Variants in REDIC1 observed in about 807,000 individuals in gnomAD.
The protein encoded by REDIC1 is HEI10 Interacting Protein 1.
the REDIC1 span, among the ~76,000 whole-genome samples, chr12:39,863,343 C>T: frequency 6.6e-6 from 1 of 152,030 alleles, no homozygotes; most frequent in African/African-American, 2.4e-5. Context: ...TTATGTAAAT[C>T]ACTAAAAACT....
the REDIC1 span, among the ~76,000 whole-genome samples, chr12:39,712,695 ACGTGT>A: frequency 5.4e-3 from 21 of 3,854 alleles, no homozygotes; most frequent in African/African-American, 0.038. Flanking sequence ...ATATACGTAT[ACGTGT>A]ATATATGTAT....
chr12:39,816,940 C>T, the REDIC1 span, among the ~76,000 whole-genome samples: 2 of 152,056 alleles, frequency 1.3e-5, no homozygotes, highest in African/African-American at 4.8e-5. Context: ...ACTGGGTATG[C>T]TTTATCATTT....
chr12:39,627,313 T>C, the REDIC1 span, among the ~76,000 whole-genome samples: 1 of 152,210 alleles, frequency 6.6e-6, no homozygotes, highest in South Asian at 2.1e-4. Context: ...AGACGTACTC[T>C]GGAGAAAAGT....
chr12:39,832,802 A>G, the REDIC1 span, among the ~76,000 whole-genome samples: 5 of 152,032 alleles, frequency 3.3e-5, no homozygotes, highest in African/African-American at 1.2e-4. Context: ...CTATCATTCC[A>G]TTATACCCAT....
the REDIC1 span, among the ~76,000 whole-genome samples, chr12:39,826,230 A>G: frequency 6.6e-6 from 1 of 151,738 alleles, no homozygotes; most frequent in Non-Finnish European, 1.5e-5. Context: ...AAGCTTGTAA[A>G]TTTTCTAAAT....
the REDIC1 span, among the ~76,000 whole-genome samples, chr12:39,638,660 A>G: frequency 6.6e-6 from 1 of 152,028 alleles, no homozygotes; most frequent in Middle Eastern, 3.2e-3. Flanking sequence ...TGGACATATC[A>G]TTCTATTAAT....
At chr12:39,653,603 C>CT in the REDIC1 span, among the ~76,000 whole-genome samples, 541 of 125,932 alleles carry the variant, frequency 4.3e-3, 12 homozygotes, top group African/African-American at 0.013. Flanking sequence ...TCTTCTTCTT[C>CT]TTTTTTTTTT....
the REDIC1 span, among the ~76,000 whole-genome samples, chr12:39,636,098 TTA>T: frequency 3.3e-5 from 5 of 152,168 alleles, no homozygotes; most frequent in Non-Finnish European, 7.4e-5. Context: ...TGAAATATAC[TTA>T]TGTGTTGGAG....
the REDIC1 span, among the ~76,000 whole-genome samples, chr12:39,690,153 CA>C: frequency 1.3e-5 from 2 of 152,084 alleles, no homozygotes; most frequent in African/African-American, 4.8e-5. Context: ...CACCTGCCCA[CA>C]GGTTAGGTAA....
At chr12:39,631,839 T>G in the REDIC1 span, among the ~76,000 whole-genome samples, 2 of 152,112 alleles carry the variant, frequency 1.3e-5, no homozygotes, top group Non-Finnish European at 2.9e-5. Flanking sequence ...TGAAGAGAAT[T>G]TAAATATAAG....
the REDIC1 span, among the ~76,000 whole-genome samples, chr12:39,731,147 T>G: frequency 6.6e-6 from 1 of 152,224 alleles, no homozygotes; most frequent in Non-Finnish European, 1.5e-5. Flanking sequence ...TTCTGAAGCC[T>G]ACTTCTGTCA....
chr12:39,894,456 TACTC>T, the REDIC1 span, among the ~76,000 whole-genome samples: 3 of 152,210 alleles, frequency 2.0e-5, no homozygotes, highest in Admixed American at 1.3e-4. Flanking sequence ...TAAAAGGACT[TACTC>T]AATATAAAGA....
At chr12:39,874,028 T>G in the REDIC1 span, among the ~76,000 whole-genome samples, 2 of 152,228 alleles carry the variant, frequency 1.3e-5, no homozygotes, top group Non-Finnish European at 2.9e-5. Flanking sequence ...AAGAAGCTCA[T>G]AGTTTAATTT....
At chr12:39,769,418 C>T in the REDIC1 span, among the ~76,000 whole-genome samples, 1 of 152,176 alleles carries the variant, frequency 6.6e-6, no homozygotes, top group East Asian at 1.9e-4. Context: ...GATCTTTTAA[C>T]AACTGGAATT....
the REDIC1 span, among the ~76,000 whole-genome samples, chr12:39,817,255 C>T: frequency 2.6e-5 from 4 of 152,138 alleles, no homozygotes; most frequent in South Asian, 6.2e-4. Context: ...TAACCAATTC[C>T]GGGTTGCTCA....
the REDIC1 span, among the ~76,000 whole-genome samples, chr12:39,807,637 G>T: frequency 6.6e-6 from 1 of 152,082 alleles, no homozygotes; most frequent in Non-Finnish European, 1.5e-5. Context: ...AATAAATCTG[G>T]TGATTAAAAT....
the REDIC1 span, among the ~76,000 whole-genome samples, chr12:39,644,320 G>A: frequency 6.6e-6 from 1 of 151,704 alleles, no homozygotes; most frequent in East Asian, 1.9e-4. Context: ...TTGCTTCAAT[G>A]ACTAGTTTCC....
the REDIC1 span, among the ~76,000 whole-genome samples, chr12:39,701,821 A>C: frequency 1.3e-5 from 2 of 151,680 alleles, no homozygotes; most frequent in East Asian, 1.9e-4. Flanking sequence ...AAACTGAACA[A>C]CCTGCTCCTG....
the REDIC1 span, chr12:39,872,081 C>G: frequency 7.0e-6 from 5 of 713,488 alleles, no homozygotes; most frequent in East Asian, 1.6e-4. Flanking sequence ...GTAATAACAT[C>G]AAATTAACGT....
Sources: allele counts gnomAD v4.1 joint callset (sites outside exome capture counted in the v4.1 genomes callset), GRCh38; gene constraint gnomAD v4.1.1; transcripts MANE v1.5; gene names NCBI Gene and HGNC (gene_info 2026-07-23, HGNC 2026-07-21).